PUDP: variants seen among roughly 807,000 people sequenced by gnomAD.
The protein encoded by PUDP is pseudouridine-5'-phosphatase.
Under a neutral mutation model 9.4 loss-of-function variants are expected in PUDP, and 8 were observed. The ratio of observed to expected loss-of-function variants is 0.85; its 90% CI spans 0.50 to 1.53. The LOEUF (loss-of-function observed/expected upper bound fraction) is 1.53, where lower values mean the gene tolerates loss of function less well. Ranked by LOEUF, PUDP falls within the 40% of genes most tolerant of loss-of-function variation. The probability of loss-of-function intolerance (pLI) is 0.00; values close to 1 mark genes in which losing one functional copy is unlikely to be tolerated. For missense variants in PUDP, 188 were observed against 189.7 expected, an observed-to-expected ratio of 0.99 and a Z score of 0.05; for synonymous variants, 99 against 80.7, an observed-to-expected ratio of 1.23 and a Z score of -1.22.
chrX:6,898,012 T>C (rs1927617905), intron 3 of PUDP, among the ~76,000 whole-genome samples: 1 of 112,428 alleles, frequency 8.9e-6, no homozygotes, highest in African/African-American at 3.2e-5. Flanking sequence ...TCACGCATAG[T>C]AGGTGCTCAC....
At chrX:6,887,135 G>T (rs893717991) in intron 3 of PUDP, among the ~76,000 whole-genome samples, 56 of 76,000 alleles carry the variant, frequency 7.4e-4, no homozygotes, top group African/African-American at 2.0e-3. Context: ...AAGTATATTT[G>T]ATTTAATTTA....
chrX:6,927,385 C>T (rs1928121870), intron 3 of PUDP, among the ~76,000 whole-genome samples: 1 of 112,310 alleles, frequency 8.9e-6, no homozygotes, highest in Admixed American at 9.4e-5. Context: ...AATTTCCTCT[C>T]CTTTAAAGAA....
At chrX:7,065,566 C>G (rs1439470814) in intron 3 of PUDP, among the ~76,000 whole-genome samples, 1 of 112,085 alleles carries the variant, frequency 8.9e-6, no homozygotes, top group African/African-American at 3.3e-5. Flanking sequence ...CGCATAAATC[C>G]CCAAACATAA....
At chrX:7,136,277 G>A in intron 1 of PUDP, among the ~76,000 whole-genome samples, 1 of 112,305 alleles carries the variant, frequency 8.9e-6, no homozygotes, top group African/African-American at 3.2e-5. Flanking sequence ...AAGCACACGT[G>A]ACGTGACATG....
intron 1 of PUDP, among the ~76,000 whole-genome samples, chrX:7,133,439 G>A (rs1156626048): frequency 2.7e-5 from 3 of 112,282 alleles, no homozygotes; most frequent in Non-Finnish European, 3.8e-5. Context: ...AACTATCCGT[G>A]AAGCCAAAGA....
intron 2 of PUDP, among the ~76,000 whole-genome samples, chrX:7,105,103 A>G (rs1385637720): frequency 9.0e-6 from 1 of 111,459 alleles, no homozygotes; most frequent in Non-Finnish European, 1.9e-5. Flanking sequence ...TTTCCGAAGA[A>G]AACTGGATAC....
At chrX:7,065,229 C>G (rs1258964696) in intron 3 of PUDP, among the ~76,000 whole-genome samples, 1 of 111,727 alleles carries the variant, frequency 9.0e-6, no homozygotes, top group Non-Finnish European at 1.9e-5. Flanking sequence ...CTTCTGGGGA[C>G]AGCTCTAGGG....
upstream of PUDP, among the ~76,000 whole-genome samples, chrX:6,725,431 C>T (rs1287725230): frequency 9.0e-6 from 1 of 111,467 alleles, no homozygotes; most frequent in Non-Finnish European, 1.9e-5. Flanking sequence ...TTATTTCACA[C>T]TCTATGTCCA....
At chrX:7,035,878 G>T (rs1373503919) in intron 1 of PUDP, among the ~76,000 whole-genome samples, 1 of 111,721 alleles carries the variant, frequency 9.0e-6, no homozygotes, top group Non-Finnish European at 1.9e-5. Flanking sequence ...GGGTCATGGG[G>T]ACAGATCCCT....
At chrX:6,947,503 C>T (rs1221597524) in intron 3 of PUDP, among the ~76,000 whole-genome samples, 1 of 112,394 alleles carries the variant, frequency 8.9e-6, no homozygotes, top group Non-Finnish European at 1.9e-5. Context: ...AAATATTAAG[C>T]TGTATGAGGC....
chrX:7,125,697 G>A (rs1445452251), intron 1 of PUDP, among the ~76,000 whole-genome samples: 1 of 111,873 alleles, frequency 8.9e-6, no homozygotes, highest in East Asian at 2.8e-4. Flanking sequence ...ACAGTTCCAC[G>A]TGGCTGGGGA....
intron 2 of PUDP, chrX:7,084,949 G>A (rs1332126523): frequency 4.5e-5 from 5 of 111,846 alleles, no homozygotes; most frequent in South Asian, 3.8e-4. Context: ...CTCATGAAGC[G>A]GTTAGCATTC....
chrX:7,122,406 T>C (rs1289364364), intron 1 of PUDP, among the ~76,000 whole-genome samples: 1 of 111,828 alleles, frequency 8.9e-6, no homozygotes, highest in Non-Finnish European at 1.9e-5. Context: ...ATTTTTCTGG[T>C]CACAGAGATG....
At chrX:6,817,085 T>A (rs1193743115) in intron 3 of PUDP, among the ~76,000 whole-genome samples, 1 of 104,864 alleles carries the variant, frequency 9.5e-6, no homozygotes, top group Non-Finnish European at 1.9e-5. Context: ...TGTGTATATA[T>A]ATATATTTTG....
At chrX:6,999,662 T>G (rs1231144661) in intron 1 of PUDP, among the ~76,000 whole-genome samples, 2 of 110,671 alleles carry the variant, frequency 1.8e-5, no homozygotes, top group East Asian at 5.7e-4. Context: ...CTCAAGGGGC[T>G]GCACTTCAAA....
chrX:6,907,205 T>A (rs1043217106), intron 3 of PUDP, among the ~76,000 whole-genome samples: 6 of 110,921 alleles, frequency 5.4e-5, no homozygotes, highest in Non-Finnish European at 9.4e-5. Flanking sequence ...TATAAGGCGC[T>A]TTCCCTGTGT....
chrX:6,821,682 A>G (rs1227785669), intron 3 of PUDP, among the ~76,000 whole-genome samples: 3 of 111,882 alleles, frequency 2.7e-5, no homozygotes, highest in South Asian at 7.5e-4. Context: ...GCCCCACATA[A>G]TTTCTTTTCT....
At chrX:6,960,901 G>A (rs1248666523) in intron 3 of PUDP, among the ~76,000 whole-genome samples, 3 of 111,529 alleles carry the variant, frequency 2.7e-5, no homozygotes, top group South Asian at 7.6e-4. Context: ...TTGCCACTAT[G>A]GTGGGAGAGC....
chrX:6,824,620 A>G (rs1044163540), intron 3 of PUDP, among the ~76,000 whole-genome samples: 8 of 111,679 alleles, frequency 7.2e-5, no homozygotes, highest in Non-Finnish European at 1.5e-4. Context: ...TCCAGTCTGC[A>G]TTCTTTCCAT....
Sources: allele counts gnomAD v4.1 joint callset (sites outside exome capture counted in the v4.1 genomes callset), GRCh38; gene constraint gnomAD v4.1.1; transcripts MANE v1.5; gene names NCBI Gene and HGNC (gene_info 2026-07-23, HGNC 2026-07-21).